Variants in LEPR observed in about 807,000 individuals in gnomAD.
LEPR encodes OB receptor.
In LEPR, 56 loss-of-function variants were observed where a neutral mutation model predicts 114.7. That is an observed-to-expected ratio of 0.49 (90% confidence interval 0.39 to 0.61). LEPR has a LOEUF of 0.61. LEPR is among the 20% of genes least tolerant of loss of function. The pLI is 0.00. For missense variants in LEPR, 1,202 were observed against 1,352.9 expected (o/e 0.89, Z 1.75); for synonymous variants, 443 against 461.4 (o/e 0.96, Z 0.51).
intron 5 of LEPR, among the ~76,000 whole-genome samples, chr1:65,581,982 G>A (rs143880960): frequency 7.8e-4 from 119 of 152,218 alleles, no homozygotes; most frequent in Non-Finnish European, 6.2e-4. Context: ...TTTGAAGTCC[G>A]CCAGATTTCT....
At chr1:65,605,282 T>C in intron 11 of LEPR, 45 bp downstream of exon 11, 1 of 1,605,520 alleles carries the variant, frequency 6.2e-7, no homozygotes, top group Non-Finnish European at 8.5e-7. Flanking sequence ...AGCAGATTTG[T>C]ATGCAGATTG....
At chr1:65,456,968 T>C (rs1646884618) in intron 2 of LEPR, among the ~76,000 whole-genome samples, 1 of 152,236 alleles carries the variant, frequency 6.6e-6, no homozygotes, top group Non-Finnish European at 1.5e-5. Context: ...CTTTTTTCCA[T>C]ATCTATTGTA....
intron 2 of LEPR, among the ~76,000 whole-genome samples, chr1:65,558,514 TTTGAATCAGAAG>T (rs1326711213): frequency 1.2e-4 from 10 of 80,558 alleles, no homozygotes; most frequent in African/African-American, 4.3e-4. Context: ...TTTTTTTTTT[TTTGAATCAGAAG>T]TTTTTTTTTT....
intron 2 of LEPR, among the ~76,000 whole-genome samples, chr1:65,485,187 A>G (rs1647423149): frequency 2.0e-5 from 3 of 152,178 alleles, no homozygotes; most frequent in African/African-American, 7.2e-5. Context: ...CTTTTCATCC[A>G]TAAAGCATTT....
intron 5 of LEPR, among the ~76,000 whole-genome samples, chr1:65,583,498 A>G (rs1655127470): frequency 6.6e-6 from 1 of 151,914 alleles, no homozygotes; most frequent in Non-Finnish European, 1.5e-5. Flanking sequence ...GAACTCCAGA[A>G]GAGCTATACT....
intron 18 of LEPR, among the ~76,000 whole-genome samples, chr1:65,622,521 G>C (rs933647865): frequency 1.3e-5 from 2 of 152,206 alleles, no homozygotes; most frequent in Non-Finnish European, 2.9e-5. Flanking sequence ...AAAAAAGAGA[G>C]AGAGGAGATT....
chr1:65,425,894 A>AT, intron 2 of LEPR, among the ~76,000 whole-genome samples: 1 of 152,048 alleles, frequency 6.6e-6, no homozygotes, highest in Admixed American at 6.5e-5. Context: ...CATTCTACAC[A>AT]TTTTTTCATT....
intron 6 of LEPR, among the ~76,000 whole-genome samples, chr1:65,595,542 T>G (rs1408306519): frequency 1.3e-5 from 2 of 152,116 alleles, no homozygotes; most frequent in Admixed American, 6.6e-5. Flanking sequence ...TAACTGAAAT[T>G]TATAATACGT....
At chr1:65,429,852 C>A in intron 2 of LEPR, 1 of 1,441,352 alleles carries the variant, frequency 6.9e-7, no homozygotes, top group South Asian at 1.6e-5. Context: ...TGCCTGGGTC[C>A]AACTGACAGC....
rs190804135 is a variant in LEPR at position 65,601,925 on chromosome 1, A to G, written c.1368A>G (p.Ser456=). The change falls in exon 10 of 20, where the codon TCA becomes TCG. Residue 456 remains serine (S), a synonymous_variant. Coordinates refer to ENST00000349533, the MANE Select transcript of LEPR (RefSeq NM_002303.6). ...TCRWSTSTIQ[S]LAESTLQLRY... Reference sequence around the variant, plus strand: ...GATGGTCAACCAGTACAATCCAGTCACTTGCGGAAAGCACTTTGCAATTGA... The same window carrying G: ...GATGGTCAACCAGTACAATCCAGTCGCTTGCGGAAAGCACTTTGCAATTGA... The G allele has an allele frequency of 6.1e-5, 98 of 1,613,712 alleles. No individual in the cohort carries two copies. The highest frequency in any genetic ancestry group is 8.0e-5 in the Non-Finnish European group (94 of 1,179,676).
chr1:65,621,578 G>A, intron 18 of LEPR, 120 bp downstream of exon 18: 1 of 809,082 alleles, frequency 1.2e-6, no homozygotes, highest in Admixed American at 2.1e-5. Context: ...TATGTAGTCT[G>A]TATACAATTA....
intron 19 of LEPR, among the ~76,000 whole-genome samples, chr1:65,626,876 C>G (rs1658249428): frequency 6.6e-6 from 1 of 152,068 alleles, no homozygotes; most frequent in Non-Finnish European, 1.5e-5. Context: ...CTCAAGTGAT[C>G]CACCCACCTC....
At chr1:65,602,321 C>T (rs1181504881) in intron 10 of LEPR, among the ~76,000 whole-genome samples, 5 of 151,972 alleles carry the variant, frequency 3.3e-5, no homozygotes, top group African/African-American at 1.2e-4. Context: ...AGTTTCGTAT[C>T]ATTTGGCTAA....
chr1:65,455,103 G>C (rs916935872), intron 2 of LEPR, among the ~76,000 whole-genome samples: 1 of 152,016 alleles, frequency 6.6e-6, no homozygotes, highest in Non-Finnish European at 1.5e-5. Context: ...CCTTCTTCAC[G>C]TAGTTCTCAA....
intron 2 of LEPR, among the ~76,000 whole-genome samples, chr1:65,485,093 T>C (rs1647417784): frequency 6.6e-6 from 1 of 152,138 alleles, no homozygotes; most frequent in African/African-American, 2.4e-5. Context: ...AAATTATTGG[T>C]TGAAATCTAC....
At chr1:65,606,480 A>G (rs1334556353) in intron 11 of LEPR, among the ~76,000 whole-genome samples, 2 of 152,170 alleles carry the variant, frequency 1.3e-5, no homozygotes, top group East Asian at 1.9e-4. Context: ...TCCAAATACC[A>G]TCTCCACTTA....
chr1:65,488,194 T>TCTCTC (rs1647629955), intron 2 of LEPR, among the ~76,000 whole-genome samples: 1 of 22,974 alleles, frequency 4.4e-5, no homozygotes, highest in Non-Finnish European at 9.2e-5. Context: ...CTTTCTTTCT[T>TCTCTC]TCTTTCTTTC....
In LEPR at chr1:65,420,839, G is replaced by A; in HGVS notation, c.-97+99G>A. The A allele has an allele frequency of 1.4e-6, 2 of 1,407,634 alleles. 1 individual carries two copies. Among genetic ancestry groups the A allele is most frequent in the South Asian group, 2.6e-5 (2 of 78,260 alleles). 87.2% of individuals were successfully genotyped at this position (1,407,634 alleles called of 1,614,324 possible). A position where few individuals can be genotyped will look rare whatever the true frequency, so the allele number is the denominator to read the frequency against. On this transcript the variant is annotated intron_variant, in intron 1 of 19. Coordinates refer to ENST00000349533, the MANE Select transcript of LEPR (RefSeq NM_002303.6). ...GCCTTCCGCGCGCCGTTGGGGAACG[G>A]CCTCACCACCCTTCCCGCCTCTCCG...
chr1:65,489,408 A>G (rs1647748200), intron 2 of LEPR, among the ~76,000 whole-genome samples: 1 of 152,074 alleles, frequency 6.6e-6, no homozygotes, highest in African/African-American at 2.4e-5. Flanking sequence ...GGCCATCTGT[A>G]TGTCTTCATT....
Sources: allele counts gnomAD v4.1 joint callset (sites outside exome capture counted in the v4.1 genomes callset), GRCh38; gene constraint gnomAD v4.1.1; transcripts MANE v1.5; gene names NCBI Gene and HGNC (gene_info 2026-07-23, HGNC 2026-07-21).